FBXL18: variants seen among roughly 807,000 people sequenced by gnomAD.
The protein encoded by FBXL18 is F-box/LRR-repeat protein 18.
Under a neutral mutation model 46.0 loss-of-function variants are expected in FBXL18, and 36 were observed. That is an observed-to-expected ratio of 0.78 (90% CI 0.60 to 1.03). The LOEUF is 1.03. FBXL18 is among the 50% of genes least tolerant of loss of function. FBXL18 has a pLI of 0.00. For synonymous variants in FBXL18, 557 were observed against 465.3 expected, an observed-to-expected ratio of 1.20 and a Z score of -2.54; for missense variants, 977 against 1,004.1, an observed-to-expected ratio of 0.97 and a Z score of 0.36.
chr7:5,500,387 C>T, intron 3 of FBXL18, 101 bp downstream of exon 3: 2 of 1,123,112 alleles, frequency 1.8e-6, no homozygotes, highest in Non-Finnish European at 2.5e-6. Context: ...CCAGCCTCTG[C>T]ACTCCTGGAG....
intron 4 of FBXL18, chr7:5,489,276 T>C (rs1408393387): frequency 1.9e-6 from 1 of 518,968 alleles, no homozygotes; most frequent in Non-Finnish European, 3.8e-6. Context: ...ATGAGAACCC[T>C]ATCTCCAGTT....
At chr7:5,473,228 A>C (rs918109972), downstream of FBXL18, among the ~76,000 whole-genome samples, 2 of 151,776 alleles carry the variant, frequency 1.3e-5, no homozygotes, top group African/African-American at 4.8e-5. Flanking sequence ...AAACACCATC[A>C]CCTCAAGAAC....
chr7:5,504,290 C>T (rs1784339105), intron 2 of FBXL18, among the ~76,000 whole-genome samples: 1 of 151,108 alleles, frequency 6.6e-6, no homozygotes. Flanking sequence ...ATTAGCTGGG[C>T]ATGGTGGTGG....
In FBXL18 at chr7:5,481,614, T is replaced by A; in HGVS notation, c.*161A>T. 2.8e-6 allele frequency: 2 copies of A among 719,406 alleles called. No individual in the cohort carries two copies. The highest frequency in any genetic ancestry group is 4.7e-6 in the Non-Finnish European group (2 of 423,638). 44.6% of individuals were successfully genotyped at this position (719,406 alleles called of 1,614,324 possible). On this transcript the variant is annotated 3_prime_UTR_variant, in exon 5 of 5. Coordinates refer to ENST00000382368, the MANE Select transcript of FBXL18 (RefSeq NM_024963.6). Reference sequence around the variant, plus strand: ...AAACTTCACAGAGCAACAGTCCCCATGAGAGAGCCGTGGAGACGCCGGGAG... The same window carrying A: ...AAACTTCACAGAGCAACAGTCCCCAAGAGAGAGCCGTGGAGACGCCGGGAG...
intron 4 of FBXL18, among the ~76,000 whole-genome samples, chr7:5,458,234 C>T (rs1002024201): frequency 6.6e-5 from 10 of 152,080 alleles, no homozygotes; most frequent in African/African-American, 2.2e-4. Flanking sequence ...CCACACTGTC[C>T]GTCAATAAAA....
intron 4 of FBXL18, among the ~76,000 whole-genome samples, chr7:5,464,663 C>CAAAAA (rs774631633): frequency 2.4e-4 from 7 of 29,482 alleles, no homozygotes; most frequent in East Asian, 2.5e-3. Context: ...ACTCTTATCT[C>CAAAAA]AAAAAAAAAA....
chr7:5,471,187 C>T (rs186414730), downstream of FBXL18, among the ~76,000 whole-genome samples: 35 of 152,298 alleles, frequency 2.3e-4, no homozygotes, highest in African/African-American at 8.2e-4. Flanking sequence ...ATAAATCAGC[C>T]GCTGTGCAGG....
intron 4 of FBXL18, among the ~76,000 whole-genome samples, chr7:5,462,586 C>T (rs1358128262): frequency 6.6e-6 from 1 of 152,116 alleles, no homozygotes; most frequent in African/African-American, 2.4e-5. Flanking sequence ...CTGCAGCTCT[C>T]AAATGCTTGC....
chr7:5,491,511 G>A, intron 3 of FBXL18, 62 bp from the exon 4 acceptor site: 3 of 1,399,248 alleles, frequency 2.1e-6, no homozygotes, highest in Non-Finnish European at 2.9e-6. Context: ...GGCCAGCTGG[G>A]CGTCTGGAGG....
intron 3 of FBXL18, 65 bp downstream of exon 3, chr7:5,500,423 C>T (rs1784203237): frequency 6.9e-7 from 1 of 1,451,818 alleles, no homozygotes. Context: ...GAACTCCACG[C>T]GAACGCCCCA....
chr7:5,488,305 G>A (rs7800380), intron 4 of FBXL18, among the ~76,000 whole-genome samples: 7,854 of 152,262 alleles, frequency 0.052, 674 homozygotes, highest in African/African-American at 0.18. Context: ...CCGGTGCCAC[G>A]TCCAACCGAC....
chr7:5,511,329 A>G lies in FBXL18; in HGVS notation c.18+2328T>C, dbSNP rs1247093167. 2.6e-5 allele frequency among the ~76,000 whole-genome samples: 4 copies of G among 152,316 alleles called. No individual in the cohort carries two copies. In the East Asian group the frequency reaches 7.7e-4, roughly 29 times the overall value. ...CGCAGTGGCTCACGCCTGTAATCTC[A>G]GCACTATGGGAGGCCAAGGTGGGCG... On this transcript the variant is annotated intron_variant, in intron 1 of 4. Coordinates refer to ENST00000382368, the MANE Select transcript of FBXL18 (RefSeq NM_024963.6).
intron 4 of FBXL18, among the ~76,000 whole-genome samples, chr7:5,456,434 G>T (rs1783175833): frequency 6.6e-6 from 1 of 152,224 alleles, no homozygotes; most frequent in Admixed American, 6.5e-5. Context: ...CTCATCTCAC[G>T]CGGTCAATTA....
chr7:5,472,427 C>T (rs145670411), downstream of FBXL18, among the ~76,000 whole-genome samples: 2,860 of 152,278 alleles, frequency 0.019, 50 homozygotes, highest in Middle Eastern at 0.031. Flanking sequence ...AGGGCCCGTC[C>T]TTCTGGTTTT....
At chr7:5,459,244 G>A (rs1477899777) in intron 4 of FBXL18, among the ~76,000 whole-genome samples, 2 of 152,192 alleles carry the variant, frequency 1.3e-5, no homozygotes, top group Non-Finnish European at 2.9e-5. Flanking sequence ...CCAGACACAG[G>A]TCTGCAGAGA....
chr7:5,487,637 C>T (rs928504238), intron 4 of FBXL18, among the ~76,000 whole-genome samples: 5 of 152,262 alleles, frequency 3.3e-5, no homozygotes, highest in African/African-American at 9.6e-5. Flanking sequence ...GGGCTGATAG[C>T]ACTGACCTCA....
chr7:5,488,839 C>T (rs1209891426), intron 4 of FBXL18, among the ~76,000 whole-genome samples: 1 of 152,220 alleles, frequency 6.6e-6, no homozygotes, highest in African/African-American at 2.4e-5. Context: ...ACCACAGCCT[C>T]ACAGAGCACA....
chr7:5,508,612 A>G (rs1396349976), intron 1 of FBXL18, among the ~76,000 whole-genome samples: 1 of 151,768 alleles, frequency 6.6e-6, no homozygotes, highest in Non-Finnish European at 1.5e-5. Flanking sequence ...TTGTCTCAAA[A>G]AAAAAAAAAG....
chr7:5,505,818 G>C (rs1334045183), intron 1 of FBXL18, among the ~76,000 whole-genome samples, 188 bp from the exon 2 acceptor site: 2 of 152,154 alleles, frequency 1.3e-5, no homozygotes, highest in African/African-American at 2.4e-5. Flanking sequence ...CTGTAAGCCA[G>C]GGTCTCCCTT....
Sources: gnomAD v4.1 joint callset for allele counts (sites outside exome capture counted in the v4.1 genomes callset) on GRCh38, gnomAD v4.1.1 for gene constraint, MANE v1.5 for transcripts, NCBI Gene and HGNC (gene_info 2026-07-23, HGNC 2026-07-21) for gene names.